ADAMTS16: variants seen among roughly 807,000 people sequenced by gnomAD.
The protein encoded by ADAMTS16 is ADAM metallopeptidase with thrombospondin type 1 motif 16.
Under a neutral mutation model 145.8 loss-of-function variants are expected in ADAMTS16, and 94 were observed. The ratio of observed to expected loss-of-function variants is 0.64; its 90% CI spans 0.55 to 0.77. ADAMTS16 has a LOEUF of 0.77. Ranked by LOEUF, ADAMTS16 falls within the 30% of genes least tolerant of loss-of-function variation. ADAMTS16 has a pLI of 0.00. For missense variants in ADAMTS16, 1,585 were observed against 1,591.5 expected, an observed-to-expected ratio of 1.00 and a Z score of 0.07; for synonymous variants, 659 against 604.3, an observed-to-expected ratio of 1.09 and a Z score of -1.33.
intron 7 of ADAMTS16, among the ~76,000 whole-genome samples, chr5:5,190,496 G>A (rs922047422): frequency 3.9e-5 from 6 of 151,990 alleles, no homozygotes; most frequent in East Asian, 3.9e-4. Flanking sequence ...GAGATACTAC[G>A]ACCAGATTAT....
At chr5:5,218,172 G>C (rs1391725225) in intron 10 of ADAMTS16, among the ~76,000 whole-genome samples, 1 of 152,212 alleles carries the variant, frequency 6.6e-6, no homozygotes, top group African/African-American at 2.4e-5. Context: ...AAGTGATAAA[G>C]TTGGACAGGA....
intron 18 of ADAMTS16, among the ~76,000 whole-genome samples, chr5:5,289,412 T>TA (rs1739218709): frequency 6.6e-6 from 1 of 152,254 alleles, no homozygotes; most frequent in Non-Finnish European, 1.5e-5. Flanking sequence ...CAGGCTTTAA[T>TA]ATGTGGGCTT....
rs1009412779 is a variant in ADAMTS16, at chr5:5,192,437, G to T, written c.1313+647G>T. On this transcript the variant is annotated intron_variant, in intron 8 of 22. Transcript: ENST00000274181. ...CATTGCTTCCTGCTGTTACCCTCGCGTTTGTGTTCTTGTATATATTTATGT... is the reference window on the plus strand; with the variant it reads ...CATTGCTTCCTGCTGTTACCCTCGCTTTTGTGTTCTTGTATATATTTATGT... 1.5e-4 allele frequency among the ~76,000 whole-genome samples: 23 copies of T among 152,034 alleles called. 1 individual carries two copies. Among genetic ancestry groups the T allele is most frequent in the Non-Finnish European group, 5.9e-5 (4 of 68,016 alleles).
chr5:5,176,680 T>A (rs1208421794), intron 3 of ADAMTS16, among the ~76,000 whole-genome samples: 2 of 152,158 alleles, frequency 1.3e-5, no homozygotes, highest in African/African-American at 4.8e-5. Context: ...AAATCCACAG[T>A]CAATGATAAT....
chr5:5,200,323 G>A, intron 9 of ADAMTS16, 54 bp downstream of exon 9: 2 of 1,601,756 alleles, frequency 1.2e-6, no homozygotes, highest in South Asian at 2.2e-5. Flanking sequence ...GATGCTCACT[G>A]CCTGGTCAGC....
chr5:5,312,789 T>C (rs1313783186), intron 21 of ADAMTS16, among the ~76,000 whole-genome samples: 6 of 152,142 alleles, frequency 3.9e-5, no homozygotes, highest in Non-Finnish European at 5.9e-5. Context: ...GAGTCTGCTG[T>C]CTTTTGAGTC....
rs527522616 is a variant in ADAMTS16 at position 5,296,268 on chromosome 5, C to T, written c.2790-7000C>T. ...GACACAGTCTTCAAAATCAGGAGGG[C>T]TGTGCAGGACCAGACAGCCTGCTCC... On this transcript the variant is annotated intron_variant, in intron 18 of 22. Transcript: ENST00000274181. Among the ~76,000 whole-genome samples, 4 of 152,302 alleles carry T rather than the reference C, an allele frequency of 2.6e-5. No homozygotes were observed. In the South Asian group the frequency reaches 8.3e-4, roughly 32 times the overall value.
chr5:5,152,876 C>T (rs1364952145), intron 3 of ADAMTS16, among the ~76,000 whole-genome samples: 1 of 152,190 alleles, frequency 6.6e-6, no homozygotes, highest in East Asian at 1.9e-4. Flanking sequence ...GGGGTGAAAT[C>T]CCACATTGCT....
chr5:5,311,325 AC>A lies in ADAMTS16; in HGVS notation c.3411+4598del, dbSNP rs1561005119. Among the ~76,000 whole-genome samples, 572 of 148,348 alleles carry A rather than the reference AC, an allele frequency of 3.9e-3. 14 individuals carry two copies. The highest frequency in any genetic ancestry group is 0.011 in the African/African-American group (436 of 39,734). On this transcript the variant is annotated intron_variant, in intron 21 of 22. Transcript: ENST00000274181. ...CAAAAAAAAAAAAAAAAACAAAAAA[AC>A]AAAAAAACATTCTTATTGTTTTATC...
chr5:5,225,616 A>G (rs1156690469), intron 11 of ADAMTS16, among the ~76,000 whole-genome samples: 2 of 151,234 alleles, frequency 1.3e-5, no homozygotes, highest in African/African-American at 4.9e-5. Flanking sequence ...AAAAAAAAGG[A>G]AAGAGGAGCA....
chr5:5,215,895 T>TATATAC (rs1418010258), intron 10 of ADAMTS16, among the ~76,000 whole-genome samples: 25 of 137,382 alleles, frequency 1.8e-4, no homozygotes, highest in Non-Finnish European at 3.2e-4. Flanking sequence ...TATATATATA[T>TATATAC]ATATATATAT....
At chr5:5,206,425 C>CAAAAAAAAAAAAAAAAA (rs1173829992) in intron 9 of ADAMTS16, among the ~76,000 whole-genome samples, 1 of 39,436 alleles carries the variant, frequency 2.5e-5, no homozygotes, top group African/African-American at 1.2e-4. Context: ...GACTCCGTCT[C>CAAAAAAAAAAAAAAAAA]AAAAAAAAAA....
chr5:5,166,105 T>C (rs1734869643), intron 3 of ADAMTS16, among the ~76,000 whole-genome samples: 1 of 152,064 alleles, frequency 6.6e-6, no homozygotes, highest in East Asian at 1.9e-4. Context: ...CTCTAAAATA[T>C]CTCTTTTTTT....
At chr5:5,232,718 C>T (rs1736971244) in intron 12 of ADAMTS16, among the ~76,000 whole-genome samples, 1 of 151,528 alleles carries the variant, frequency 6.6e-6, no homozygotes, top group South Asian at 2.1e-4. Flanking sequence ...ATTCTCCTGC[C>T]TCAGCCTCCC....
intron 17 of ADAMTS16, among the ~76,000 whole-genome samples, chr5:5,255,417 T>C (rs75868667): frequency 0.023 from 3,495 of 152,364 alleles, 112 homozygotes; most frequent in African/African-American, 0.076. Flanking sequence ...TCTGTAGCTC[T>C]CAGAGTTACT....
intron 16 of ADAMTS16, 66 bp from the exon 17 acceptor site, chr5:5,241,987 C>T (rs1737304544): frequency 6.4e-7 from 1 of 1,567,768 alleles, no homozygotes. Context: ...AGTCTAAATC[C>T]CGTTAGCATG....
chr5:5,157,030 C>T (rs971498774), intron 3 of ADAMTS16, among the ~76,000 whole-genome samples: 8 of 151,966 alleles, frequency 5.3e-5, no homozygotes, highest in African/African-American at 9.7e-5. Context: ...TTTTTACTGA[C>T]TTTGATTCCT....
intron 6 of ADAMTS16, among the ~76,000 whole-genome samples, chr5:5,188,325 G>A (rs1056961829): frequency 5.3e-5 from 8 of 152,200 alleles, no homozygotes; most frequent in East Asian, 1.9e-4. Context: ...ACTTTCAAGC[G>A]CATTTCCCTC....
In ADAMTS16 at chr5:5,303,346, G is replaced by A. The variant is rs779971682; in HGVS notation, c.2868G>A (p.Arg956=). Residue 956 remains arginine (R), a synonymous_variant, in exon 19 of 23, where the codon CGG becomes CGA. Coordinates refer to ENST00000274181, the MANE Select transcript of ADAMTS16 (RefSeq NM_139056.4). ...GAQSRPVQCT[R]RVHYDSEPVP... ...AGAGCCGCCCCGTGCAGTGCACACG[G>A]CGGGTGCACTATGACTCGGAGCCAG... 8 of 1,605,138 alleles carry A rather than the reference G, an allele frequency of 5.0e-6. No individual in the cohort carries two copies. The highest frequency in any genetic ancestry group is 1.3e-5 in the African/African-American group (1 of 74,874).
Sources: allele counts gnomAD v4.1 joint callset (sites outside exome capture counted in the v4.1 genomes callset), GRCh38; gene constraint gnomAD v4.1.1; transcripts MANE v1.5; gene names NCBI Gene and HGNC (gene_info 2026-07-23, HGNC 2026-07-21).